The following FAM120A variants were observed in gnomAD, a reference collection of about 807,000 sequenced individuals.
FAM120A encodes the protein family with sequence similarity 120 member A, also known as constitutive coactivator of PPAR-gamma-like protein 1.
A neutral mutation model predicts 109.7 loss-of-function variants in FAM120A; 15 were observed. The observed-to-expected ratio is 0.14, with a 90% CI of 0.09 to 0.21. The LOEUF (loss-of-function observed/expected upper bound fraction) is 0.21. Among genes scored for constraint, FAM120A ranks in the 10% least tolerant of loss-of-function variants. The pLI is 1.00. For synonymous variants in FAM120A, 493 were observed against 572.8 expected, an observed-to-expected ratio of 0.86 and a Z score of 1.99; for missense variants, 899 against 1,439.3, an observed-to-expected ratio of 0.62 and a Z score of 6.07.
intron 3 of FAM120A, among the ~76,000 whole-genome samples, chr9:93,482,670 G>A (rs1466924826): frequency 1.3e-5 from 2 of 152,152 alleles, no homozygotes; most frequent in Non-Finnish European, 2.9e-5. Flanking sequence ...ACGATGGTAG[G>A]GCCGTCAGTC....
In FAM120A at chr9:93,564,339, C is replaced by T. The variant is rs976525159; in HGVS notation, c.3156C>T (p.Asn1052=). ...AMSSDGSLAE[N]GVMAEEKPAP... The stretch of plus-strand genomic sequence containing the variant: ...CTTCAGACGGGTCCCTGGCTGAAAA[C>T]GGAGTGATGGCCGAGGAGAAGCCGG... Residue 1052 remains asparagine, a synonymous_variant, in exon 18 of 18, where the codon AAC becomes AAT. Coordinates refer to ENST00000277165, the MANE Select transcript of FAM120A (RefSeq NM_014612.5). The T allele has an allele frequency of 6.8e-6, 11 of 1,614,010 alleles. No individual in the cohort carries two copies. The highest frequency in any genetic ancestry group is 2.2e-5 in the East Asian group (1 of 44,888).
At chr9:93,488,025 A>G (rs763655307) in intron 3 of FAM120A, among the ~76,000 whole-genome samples, 1 of 152,022 alleles carries the variant, frequency 6.6e-6, no homozygotes, top group Non-Finnish European at 1.5e-5. Context: ...GTCTTCCTCA[A>G]CTTCTCTTTC....
chr9:93,471,826 A>T lies in FAM120A; in HGVS notation c.721+439A>T, dbSNP rs139142165. 7.7e-4 allele frequency among the ~76,000 whole-genome samples: 118 copies of T among 152,346 alleles called. 1 individual carries two copies. The East Asian group carries it at 0.022, about 28-fold the overall frequency. Reference sequence around the variant, plus strand: ...ACTCACTACTTTAAAAGAGAAACAAAAATAAGCTATCGTAGCTTGTTTCCA... The same window carrying T: ...ACTCACTACTTTAAAAGAGAAACAATAATAAGCTATCGTAGCTTGTTTCCA... On this transcript the variant is annotated intron_variant, in intron 2 of 17. Coordinates refer to ENST00000277165, the MANE Select transcript of FAM120A (RefSeq NM_014612.5).
chr9:93,493,565 T>C (rs1379448567), intron 3 of FAM120A, among the ~76,000 whole-genome samples: 1 of 152,222 alleles, frequency 6.6e-6, no homozygotes, highest in Non-Finnish European at 1.5e-5. Flanking sequence ...TCTTGAACGG[T>C]AGCTAAACTA....
intron 3 of FAM120A, among the ~76,000 whole-genome samples, chr9:93,496,619 T>C (rs929348359): frequency 2.0e-5 from 3 of 152,218 alleles, no homozygotes; most frequent in African/African-American, 7.2e-5. Flanking sequence ...GAGGACCCTG[T>C]GATTCCCTTG....
At position 93,516,228 on chromosome 9, in the gene FAM120A, G is replaced by A. The variant is rs567520127; in HGVS notation, c.1377G>A (p.Ser459=). ...DSAYFPGSST[S]SSSDNDEGSG... is the part of the protein sequence containing the mutation. ...CCTACTTCCCTGGCTCTTCTACATC[G>A]TCATCTTCCGACAACGACGAGGGCA... is the stretch of plus-strand genomic sequence containing the variant. The change falls in exon 7 of 18, where the codon TCG becomes TCA. Residue 459 remains serine (S), a synonymous_variant. Transcript: ENST00000277165. The A allele has an allele frequency of 9.3e-6, 15 of 1,613,500 alleles. No homozygotes were observed. The highest frequency in any genetic ancestry group is 8.0e-5 in the African/African-American group (6 of 75,010).
intron 15 of FAM120A, 57 bp from the exon 16 acceptor site, chr9:93,561,052 G>T: frequency 6.4e-7 from 1 of 1,568,140 alleles, no homozygotes; most frequent in African/African-American, 1.4e-5. Flanking sequence ...GTATCTTTTT[G>T]CTATTCTTAA....
intron 10 of FAM120A, among the ~76,000 whole-genome samples, chr9:93,542,097 A>G (rs1449860929): frequency 6.6e-6 from 1 of 152,192 alleles, no homozygotes; most frequent in Middle Eastern, 3.2e-3. Flanking sequence ...TGTAATTTGG[A>G]TAGAATGAAT....
intron 10 of FAM120A, among the ~76,000 whole-genome samples, chr9:93,538,168 C>T (rs988668093): frequency 2.6e-5 from 4 of 152,138 alleles, no homozygotes; most frequent in Admixed American, 6.5e-5. Context: ...CTGTGTTCTG[C>T]TACATGTCCT....
At chr9:93,480,415 C>T (rs1858749207) in intron 3 of FAM120A, among the ~76,000 whole-genome samples, 1 of 152,146 alleles carries the variant, frequency 6.6e-6, no homozygotes, top group Non-Finnish European at 1.5e-5. Context: ...TGGAGTGCGA[C>T]CTCTGTCTCT....
At chr9:93,453,769 G>C (rs1026438736) in intron 1 of FAM120A, among the ~76,000 whole-genome samples, 3 of 152,206 alleles carry the variant, frequency 2.0e-5, no homozygotes, top group African/African-American at 7.2e-5. Context: ...GGAGCCTGGG[G>C]CGCTCAGGGA....
At chr9:93,557,018 A>G (rs750129981) in intron 13 of FAM120A, among the ~76,000 whole-genome samples, 20 of 152,110 alleles carry the variant, frequency 1.3e-4, no homozygotes, top group Non-Finnish European at 2.5e-4. Flanking sequence ...AGCTTCTGTA[A>G]CACGTATATT....
At chr9:93,558,155 G>T (rs138408290) in intron 14 of FAM120A, 145 bp downstream of exon 14, 5 of 862,186 alleles carry the variant, frequency 5.8e-6, no homozygotes, top group Non-Finnish European at 6.8e-6. Flanking sequence ...CTTCAAGTCC[G>T]TGAGGAGCAA....
chr9:93,494,301 G>A (rs1556416), intron 3 of FAM120A, among the ~76,000 whole-genome samples: 42,567 of 152,160 alleles, frequency 0.28, 7,051 homozygotes, highest in East Asian at 0.44. Context: ...GACATTTGAA[G>A]GATGCACCTA....
chr9:93,561,056 T>A (rs1862447465), intron 15 of FAM120A, 53 bp from the exon 16 acceptor site: 2 of 1,586,928 alleles, frequency 1.3e-6, no homozygotes, highest in Non-Finnish European at 1.7e-6. Flanking sequence ...CTTTTTGCTA[T>A]TCTTAATTCT....
chr9:93,537,311 C>CA, intron 10 of FAM120A, among the ~76,000 whole-genome samples: 1 of 152,206 alleles, frequency 6.6e-6, no homozygotes, highest in South Asian at 2.1e-4. Context: ...GCAAATGAGA[C>CA]AGAGTAAAAG....
Position 93,565,673 on chromosome 9 carries a change from T to TG in FAM120A, c.*1134dup, listed in dbSNP as rs575329891. 1.3e-5 allele frequency: 2 copies of TG among 150,056 alleles called. No homozygotes were observed. The highest frequency in any genetic ancestry group is 4.9e-5 in the African/African-American group (2 of 40,626). The allele number at this position is 150,056 out of a possible 1,614,324, so 9.3% of individuals were successfully genotyped here. A position where few individuals can be genotyped will look rare whatever the true frequency, so the allele number is the denominator to read the frequency against. ...TCATATTAGCAAATATGAAATTCTGTGAAAAAAAACCCTTTGATCTTAAAA... is the reference window on the plus strand; with the variant it reads ...TCATATTAGCAAATATGAAATTCTGTGGAAAAAAAACCCTTTGATCTTAAAA... On this transcript the variant is annotated 3_prime_UTR_variant, in exon 18 of 18. Coordinates refer to ENST00000277165, the MANE Select transcript of FAM120A (RefSeq NM_014612.5).
chr9:93,507,758 G>A (rs138584417), intron 5 of FAM120A, among the ~76,000 whole-genome samples: 16 of 152,252 alleles, frequency 1.1e-4, no homozygotes, highest in African/African-American at 3.9e-4. Flanking sequence ...GGCAGGCTTC[G>A]GCTGAATTTG....
In FAM120A at chr9:93,563,294, C is replaced by T. The variant is rs55836973; in HGVS notation, c.3046-935C>T. Among the ~76,000 whole-genome samples, 349 of 152,300 alleles carry T rather than the reference C, an allele frequency of 2.3e-3. 2 individuals are homozygous for T. Among genetic ancestry groups the T allele is most frequent in the Non-Finnish European group, 1.9e-3 (131 of 68,030 alleles). On this transcript the variant is annotated intron_variant, in intron 17 of 17. Transcript: ENST00000277165. ...TGACGAGCTGGAAGGTTCCTGTTCT[C>T]GTCTGTAAAATGACTGTTTGAAGGT... is the stretch of plus-strand genomic sequence containing the variant.
Sources: gnomAD v4.1 joint callset for allele counts (sites outside exome capture counted in the v4.1 genomes callset) on GRCh38, gnomAD v4.1.1 for gene constraint, MANE v1.5 for transcripts, NCBI Gene and HGNC (gene_info 2026-07-23, HGNC 2026-07-21) for gene names.